AGAP1: variants seen among roughly 807,000 people sequenced by gnomAD.
The protein encoded by AGAP1 is arf-GAP with GTPase, ANK repeat and PH domain-containing protein 1.
A neutral mutation model predicts 105.3 loss-of-function variants in AGAP1; 29 were observed. The ratio of observed to expected loss-of-function variants is 0.28; its 90% CI spans 0.21 to 0.38. AGAP1 has a LOEUF of 0.38. Ranked by LOEUF, AGAP1 falls within the 10% of genes least tolerant of loss-of-function variation. The pLI is 1.00. For synonymous variants in AGAP1, 509 were observed against 485.9 expected, an observed-to-expected ratio of 1.05 and a Z score of -0.63; for missense variants, 998 against 1,165.1, an observed-to-expected ratio of 0.86 and a Z score of 2.09.
intron 12 of AGAP1, among the ~76,000 whole-genome samples, chr2:235,956,695 C>T (rs2053964574): frequency 6.6e-6 from 1 of 152,172 alleles, no homozygotes; most frequent in Non-Finnish European, 1.5e-5. Context: ...TGGGGGACAC[C>T]CCTTCAGGGT....
intron 1 of AGAP1, among the ~76,000 whole-genome samples, chr2:235,514,324 A>T (rs1462697072): frequency 6.6e-6 from 1 of 152,256 alleles, no homozygotes. Flanking sequence ...TTTAGAATGA[A>T]GTTGAAATTC....
chr2:235,681,004 G>GC (rs946364180), intron 1 of AGAP1, among the ~76,000 whole-genome samples: 6 of 151,826 alleles, frequency 4.0e-5, no homozygotes, highest in African/African-American at 7.3e-5. Flanking sequence ...GAAAATTCTA[G>GC]CCCCCCCTCC....
chr2:235,792,050 G>T lies in AGAP1; in HGVS notation c.674-5709G>T, dbSNP rs1957009509. ...TAAAATACGGTTTTATTGGAGGTGTGGTTCGTACTTTATAATCCCTACCTA... is the reference window on the plus strand; with the variant it reads ...TAAAATACGGTTTTATTGGAGGTGTTGTTCGTACTTTATAATCCCTACCTA... On this transcript the variant is annotated intron_variant, in intron 6 of 17. Coordinates refer to ENST00000304032, the MANE Select transcript of AGAP1 (RefSeq NM_001037131.3). The surrounding 1 kb of genome is among the most constrained non-coding windows in gnomAD (Gnocchi z 5.3). 6.6e-6 allele frequency among the ~76,000 whole-genome samples: 1 copy of T among 152,136 alleles called. No individual in the cohort carries two copies. Among genetic ancestry groups the T allele is most frequent in the Admixed American group, 6.5e-5 (1 of 15,268 alleles).
At position 236,042,402 on chromosome 2, in the gene AGAP1, AAAGT is replaced by A. The variant is rs1481579895; in HGVS notation, c.1891+1563_1891+1566del. On this transcript the variant is annotated intron_variant, in intron 15 of 17. Transcript: ENST00000304032. This position sits in a 1 kb window ranked among gnomAD's most constrained non-coding sequence, Gnocchi z 5.6. ...TCCAGGTATCTTGAGGTTCTTCTTT[AAAGT>A]ACCTCCTTATGTTTGAATGTTTAAG... Among the ~76,000 whole-genome samples the A allele has an allele frequency of 1.3e-5, 2 of 152,188 alleles. No individual in the cohort carries two copies. The highest frequency in any genetic ancestry group is 2.9e-5 in the Non-Finnish European group (2 of 68,034).
At position 235,691,880 on chromosome 2, in the gene AGAP1, G is replaced by A. The variant is rs561183487; in HGVS notation, c.164-17299G>A. The stretch of plus-strand genomic sequence containing the variant: ...AGTGACATCCAGGAGAGGGAACTTA[G>A]AGGCAAGGCAGGGATGCAAAATCGG... On this transcript the variant is annotated intron_variant, in intron 1 of 17. Coordinates refer to ENST00000304032, the MANE Select transcript of AGAP1 (RefSeq NM_001037131.3). The surrounding 1 kb of genome is among the most constrained non-coding windows in gnomAD (Gnocchi z 4.4). Among the ~76,000 whole-genome samples the A allele has an allele frequency of 3.3e-4, 50 of 152,336 alleles. No homozygotes were observed. Among genetic ancestry groups the A allele is most frequent in the African/African-American group, 1.2e-3 (49 of 41,582 alleles).
Position 236,040,517 on chromosome 2 carries a change from G to T in AGAP1, c.1801-234G>T. On this transcript the variant is annotated intron_variant, in intron 14 of 17. Transcript: ENST00000304032. The surrounding 1 kb of genome is among the most constrained non-coding windows in gnomAD (Gnocchi z 5.6). ...TCTTTGCTCATTTCTGGCAGAGTCCGTCTCAGCTGATGAGTTAAAATGTGA... is the reference window on the plus strand; with the variant it reads ...TCTTTGCTCATTTCTGGCAGAGTCCTTCTCAGCTGATGAGTTAAAATGTGA... 2 of 534,196 alleles carry T rather than the reference G, an allele frequency of 3.7e-6. No individual in the cohort carries two copies. Among genetic ancestry groups the T allele is most frequent in the Non-Finnish European group, 3.4e-6 (1 of 296,860 alleles). The allele number at this position is 534,196 out of a possible 1,614,324, so 33.1% of individuals were successfully genotyped here.
intron 1 of AGAP1, among the ~76,000 whole-genome samples, chr2:235,516,370 G>A (rs1942387310): frequency 6.6e-6 from 1 of 151,954 alleles, no homozygotes; most frequent in Non-Finnish European, 1.5e-5. Context: ...TAAATCTCTT[G>A]TGGCACTTTT....
chr2:235,737,552 A>G lies in AGAP1; in HGVS notation c.311-3411A>G, dbSNP rs139931221. Among the ~76,000 whole-genome samples, 44 of 152,318 alleles carry G rather than the reference A, an allele frequency of 2.9e-4. No individual in the cohort carries two copies. Among genetic ancestry groups the G allele is most frequent in the African/African-American group, 1.0e-3 (43 of 41,572 alleles). On this transcript the variant is annotated intron_variant, in intron 3 of 17. Coordinates refer to ENST00000304032, the MANE Select transcript of AGAP1 (RefSeq NM_001037131.3). This position sits in a 1 kb window ranked among gnomAD's most constrained non-coding sequence, Gnocchi z 4.5. Reference sequence around the variant, plus strand: ...TCCTAGGGAACCTTTCGTAACTTGAATATTGTGATTCAGCCACCTGGAAGC... The same window carrying G: ...TCCTAGGGAACCTTTCGTAACTTGAGTATTGTGATTCAGCCACCTGGAAGC...
chr2:235,640,309 T>A (rs999202495), intron 1 of AGAP1, among the ~76,000 whole-genome samples: 1 of 152,236 alleles, frequency 6.6e-6, no homozygotes, highest in Non-Finnish European at 1.5e-5. Flanking sequence ...GAGAAAATGA[T>A]CTCTACTGGC....
chr2:236,073,478 C>CTGCAAAACAGCT lies in AGAP1; in HGVS notation c.2114+24210_2114+24221dup, dbSNP rs1468540673. Among the ~76,000 whole-genome samples the CTGCAAAACAGCT allele has an allele frequency of 2.0e-5, 3 of 152,056 alleles. No homozygotes were observed. The highest frequency in any genetic ancestry group is 2.9e-5 in the Non-Finnish European group (2 of 68,010). On this transcript the variant is annotated intron_variant, in intron 16 of 17. Coordinates refer to ENST00000304032, the MANE Select transcript of AGAP1 (RefSeq NM_001037131.3). The surrounding 1 kb of genome is among the most constrained non-coding windows in gnomAD (Gnocchi z 5.4). ...TTGCCCTATCAGCTTGCAAAACATG[C>CTGCAAAACAGCT]TGCAAAACAGCTTGCAAAACAGCTG...
In AGAP1 at chr2:235,620,965, C is replaced by T. The variant is rs1287152896; in HGVS notation, c.164-88214C>T. Among the ~76,000 whole-genome samples, 1 of 152,218 alleles carries T rather than the reference C, an allele frequency of 6.6e-6. No homozygotes were observed. The highest frequency in any genetic ancestry group is 1.5e-5 in the Non-Finnish European group (1 of 68,034). ...TGTGAGTTCAGGAGCCAGGGGGCTGCATCTGCGTGTTGGCTCTGCTGCTGA... is the reference window on the plus strand; with the variant it reads ...TGTGAGTTCAGGAGCCAGGGGGCTGTATCTGCGTGTTGGCTCTGCTGCTGA... On this transcript the variant is annotated intron_variant, in intron 1 of 17. Transcript: ENST00000304032. This position sits in a 1 kb window ranked among gnomAD's most constrained non-coding sequence, Gnocchi z 4.5.
chr2:236,131,623 T>C lies in AGAP1; in HGVS notation c.*7501T>C, dbSNP rs569900094. On this transcript the variant is annotated 3_prime_UTR_variant, in exon 18 of 18. Transcript: ENST00000304032. This position sits in a 1 kb window ranked among gnomAD's most constrained non-coding sequence, Gnocchi z 5.9. ...ATTTCACTTTGCTTGTTATTTCATA[T>C]GATCTTGTTTTGATTAAATATGCCA... is the stretch of plus-strand genomic sequence containing the variant. 1 of 152,212 alleles carries C rather than the reference T, an allele frequency of 6.6e-6. No homozygotes were observed. Among genetic ancestry groups the C allele is most frequent in the South Asian group, 2.1e-4 (1 of 4,832 alleles). 9.4% of individuals were successfully genotyped at this position (152,212 alleles called of 1,614,324 possible).
chr2:235,623,503 G>T lies in AGAP1; in HGVS notation c.164-85676G>T, dbSNP rs1946551012. Reference sequence around the variant, plus strand: ...CATCGGGTTGAGTGTGTTTGTTTCAGCCCCTCTTGCTGAGCACTTCTCTCT... The same window carrying T: ...CATCGGGTTGAGTGTGTTTGTTTCATCCCCTCTTGCTGAGCACTTCTCTCT... On this transcript the variant is annotated intron_variant, in intron 1 of 17. Transcript: ENST00000304032. This position sits in a 1 kb window ranked among gnomAD's most constrained non-coding sequence, Gnocchi z 4.5. 2.0e-5 allele frequency among the ~76,000 whole-genome samples: 3 copies of T among 152,116 alleles called. No individual in the cohort carries two copies. The South Asian group carries it at 6.2e-4, about 32-fold the overall frequency.
rs1011431969 is a variant in AGAP1 at position 236,056,576 on chromosome 2, A to G, written c.2114+7295A>G. Among the ~76,000 whole-genome samples the G allele has an allele frequency of 6.6e-6, 1 of 152,220 alleles. No individual in the cohort carries two copies. The highest frequency in any genetic ancestry group is 6.5e-5 in the Admixed American group (1 of 15,282). ...GGCTTGAATTATATAACATGGGCCAATAAATATGGCCTCTATTTTGATTCC... is the reference window on the plus strand; with the variant it reads ...GGCTTGAATTATATAACATGGGCCAGTAAATATGGCCTCTATTTTGATTCC... On this transcript the variant is annotated intron_variant, in intron 16 of 17. Coordinates refer to ENST00000304032, the MANE Select transcript of AGAP1 (RefSeq NM_001037131.3). This position sits in a 1 kb window ranked among gnomAD's most constrained non-coding sequence, Gnocchi z 4.6.
rs73996633 is a variant in AGAP1, at chr2:235,929,432, G to C, written c.1325-1333G>C. Reference sequence around the variant, plus strand: ...CTTTTTTCTGGAATCAAGCAGACCTGCCTATGAATAATTTCCCTTATGACG... The same window carrying C: ...CTTTTTTCTGGAATCAAGCAGACCTCCCTATGAATAATTTCCCTTATGACG... On this transcript the variant is annotated intron_variant, in intron 11 of 17. Coordinates refer to ENST00000304032, the MANE Select transcript of AGAP1 (RefSeq NM_001037131.3). 7.5e-3 allele frequency among the ~76,000 whole-genome samples: 1,148 copies of C among 152,226 alleles called. 14 individuals carry two copies. The highest frequency in any genetic ancestry group is 0.026 in the African/African-American group (1,090 of 41,524).
At chr2:236,107,066 G>A (rs1045590359) in intron 16 of AGAP1, among the ~76,000 whole-genome samples, 23 of 152,180 alleles carry the variant, frequency 1.5e-4, no homozygotes, top group African/African-American at 5.3e-4. Context: ...CTCTGTTCCC[G>A]AGGTTGCAGC....
intron 6 of AGAP1, among the ~76,000 whole-genome samples, chr2:235,762,750 G>A (rs1216034443): frequency 6.6e-6 from 1 of 152,152 alleles, no homozygotes; most frequent in Non-Finnish European, 1.5e-5. Context: ...GTGGGCACCT[G>A]TAATCCCAGC....
At chr2:235,713,258 C>G (rs994597936) in intron 2 of AGAP1, among the ~76,000 whole-genome samples, 1 of 152,174 alleles carries the variant, frequency 6.6e-6, no homozygotes, top group Non-Finnish European at 1.5e-5. Context: ...TGACATGAAG[C>G]GGGTGCCCTT....
chr2:235,629,057 G>A (rs1468277384), intron 1 of AGAP1, among the ~76,000 whole-genome samples: 2 of 152,072 alleles, frequency 1.3e-5, no homozygotes, highest in South Asian at 2.1e-4. Flanking sequence ...TGATCCAGCC[G>A]CCTTGGCCTC....
Sources: allele counts gnomAD v4.1 joint callset (sites outside exome capture counted in the v4.1 genomes callset), GRCh38; gene constraint gnomAD v4.1.1; non-coding constraint Gnocchi (gnomAD v3.1); transcripts MANE v1.5; gene names NCBI Gene and HGNC (gene_info 2026-07-23, HGNC 2026-07-21).